ANGPT2: variants seen among roughly 807,000 people sequenced by gnomAD.
The protein encoded by ANGPT2 is angiopoietin-2.
In ANGPT2, 28 loss-of-function variants were observed where a neutral mutation model predicts 62.9. The observed-to-expected ratio is 0.44, with a 90% CI of 0.33 to 0.61. The LOEUF is 0.61. Among genes scored for constraint, ANGPT2 ranks in the 20% least tolerant of loss-of-function variants. The pLI, the probability that ANGPT2 is intolerant of heterozygous loss-of-function variation, is 0.03. For synonymous variants in ANGPT2, 284 were observed against 207.8 expected (o/e 1.37, Z -3.15); for missense variants, 727 against 594.9 (o/e 1.22, Z -2.31).
intron 3 of ANGPT2, among the ~76,000 whole-genome samples, chr8:6,522,601 C>A (rs944397655): frequency 2.0e-5 from 3 of 151,796 alleles, no homozygotes; most frequent in African/African-American, 7.3e-5. Flanking sequence ...TGGTGAAACC[C>A]TCTCTCTACT....
intron 5 of ANGPT2, among the ~76,000 whole-genome samples, chr8:6,515,288 C>T (rs530045226): frequency 3.9e-5 from 6 of 152,256 alleles, no homozygotes; most frequent in South Asian, 2.1e-4. Flanking sequence ...GTTACATTCT[C>T]GTACTGTGGG....
chr8:6,518,798 T>C (rs995493274), intron 5 of ANGPT2, among the ~76,000 whole-genome samples: 1 of 152,244 alleles, frequency 6.6e-6, no homozygotes, highest in African/African-American at 2.4e-5. Context: ...AGACATTTAA[T>C]ATATACAGTT....
intron 2 of ANGPT2, among the ~76,000 whole-genome samples, chr8:6,530,276 G>C (rs990644651): frequency 1.3e-5 from 2 of 152,132 alleles, no homozygotes; most frequent in Non-Finnish European, 2.9e-5. Flanking sequence ...GGGAGGCCAA[G>C]GCAGGTGGAT....
chr8:6,547,688 C>T lies in ANGPT2; in HGVS notation c.288+14959G>A, dbSNP rs546505154. On this transcript the variant is annotated intron_variant, in intron 1 of 8. Transcript: ENST00000629816. ...TGTGTGACACACAGCACAGCAGCACCATTTCTCAGAGCTGCAGCAACACTG... is the reference window on the plus strand; with the variant it reads ...TGTGTGACACACAGCACAGCAGCACTATTTCTCAGAGCTGCAGCAACACTG... Among the ~76,000 whole-genome samples the T allele has an allele frequency of 3.3e-5, 5 of 152,120 alleles. No homozygotes were observed. The East Asian group carries it at 9.7e-4, about 29-fold the overall frequency.
At chr8:6,524,331 G>A (rs1210601022) in intron 3 of ANGPT2, among the ~76,000 whole-genome samples, 1 of 152,194 alleles carries the variant, frequency 6.6e-6, no homozygotes, top group African/African-American at 2.4e-5. Flanking sequence ...CACATTAGAA[G>A]CTGGTGAAAT....
rs538128891 is a variant in ANGPT2 at position 6,513,095 on chromosome 8, A to G, written c.1196+583T>C. Among the ~76,000 whole-genome samples the G allele has an allele frequency of 2.0e-5, 3 of 152,342 alleles. No individual in the cohort carries two copies. In the East Asian group the frequency reaches 5.8e-4, roughly 29 times the overall value. ...CTATTCACTGATTTTACAAATACCT[A>G]TGAAAGCCAATTATCTACCAGGCAG... On this transcript the variant is annotated intron_variant, in intron 7 of 8. Coordinates refer to ENST00000629816, the MANE Select transcript of ANGPT2 (RefSeq NM_001118887.2).
intron 1 of ANGPT2, among the ~76,000 whole-genome samples, chr8:6,538,127 C>G (rs952156648): frequency 6.6e-6 from 1 of 152,062 alleles, no homozygotes. Flanking sequence ...TCCCAATGAT[C>G]CATCCATCTT....
intron 8 of ANGPT2, 61 bp from the exon 9 acceptor site, chr8:6,503,322 A>G (rs1812574855): frequency 1.3e-6 from 2 of 1,582,614 alleles, no homozygotes; most frequent in Non-Finnish European, 1.7e-6. Flanking sequence ...CACCACGAAG[A>G]CAGCAATACT....
intron 1 of ANGPT2, among the ~76,000 whole-genome samples, chr8:6,560,110 C>T (rs974184977): frequency 7.9e-5 from 12 of 152,164 alleles, no homozygotes; most frequent in Non-Finnish European, 1.6e-4. Context: ...GTCTTAGTTT[C>T]CTTCCTGACA....
chr8:6,528,643 AT>A lies in ANGPT2; in HGVS notation c.445-968del, dbSNP rs1362528772. Among the ~76,000 whole-genome samples, 19 of 152,334 alleles carry A rather than the reference AT, an allele frequency of 1.2e-4. No individual in the cohort carries two copies. In the East Asian group the frequency reaches 1.9e-3, roughly 15 times the overall value. On this transcript the variant is annotated intron_variant, in intron 2 of 8. Transcript: ENST00000629816. ...CATGAGCAGTGCGGCTCTCCCGCGG[AT>A]TCTCTAGCGCCTGGTTGCCCTTCAG...
At chr8:6,522,652 T>G (rs1395095200) in intron 3 of ANGPT2, among the ~76,000 whole-genome samples, 1 of 151,442 alleles carries the variant, frequency 6.6e-6, no homozygotes, top group African/African-American at 2.4e-5. Context: ...TACATGAATG[T>G]AATCCCAGCT....
rs1286725975 is a variant in ANGPT2 at position 6,551,751 on chromosome 8, ACC to A, written c.288+10894_288+10895del. Among the ~76,000 whole-genome samples, 5 of 152,234 alleles carry A rather than the reference ACC, an allele frequency of 3.3e-5. No homozygotes were observed. In the East Asian group the frequency reaches 9.6e-4, roughly 29 times the overall value. ...TTAAAAATAGTAAGGAATTTCATAT[ACC>A]CCCAAATATTAAGCATAGGTAATTA... On this transcript the variant is annotated intron_variant, in intron 1 of 8. Transcript: ENST00000629816.
Position 6,555,754 on chromosome 8 carries a change from C to T in ANGPT2, c.288+6893G>A, listed in dbSNP as rs142074887. Among the ~76,000 whole-genome samples the T allele has an allele frequency of 9.1e-4, 139 of 152,342 alleles. 1 individual carries two copies. The highest frequency in any genetic ancestry group is 3.2e-3 in the African/African-American group (133 of 41,574). ...CTGCGATTACAGGCATGAGCCACTG[C>T]ACCCAGCCACATAAATTTGTTTTTA... is the stretch of plus-strand genomic sequence containing the variant. On this transcript the variant is annotated intron_variant, in intron 1 of 8. Coordinates refer to ENST00000629816, the MANE Select transcript of ANGPT2 (RefSeq NM_001118887.2).
chr8:6,510,511 C>T (rs1333422961), intron 7 of ANGPT2, among the ~76,000 whole-genome samples: 2 of 152,158 alleles, frequency 1.3e-5, no homozygotes, highest in African/African-American at 4.8e-5. Flanking sequence ...TTAGTTTTAC[C>T]TGCTGGTCGG....
chr8:6,505,301 A>ACATAGAGT (rs1563305849), intron 8 of ANGPT2, among the ~76,000 whole-genome samples: 23 of 80,420 alleles, frequency 2.9e-4, no homozygotes, highest in African/African-American at 1.5e-3. Context: ...ATACATATAT[A>ACATAGAGT]TGTATATAAC....
intron 1 of ANGPT2, among the ~76,000 whole-genome samples, chr8:6,559,673 C>T (rs1277282374): frequency 6.6e-6 from 1 of 151,814 alleles, no homozygotes; most frequent in Non-Finnish European, 1.5e-5. Flanking sequence ...TTCCTCTTAT[C>T]AGAAAAAAAA....
At position 6,527,590 on chromosome 8, in the gene ANGPT2, C is replaced by G; in HGVS notation, c.531G>C (p.Gln177His). Residue 177 changes from glutamine (Q) to histidine (H), a missense_variant, in exon 3 of 9, where the codon CAG becomes CAC. Transcript: ENST00000629816. Reference protein sequence around the residue: ...TNKLEKQILDQTSEINKLQDK... With the variant: ...TNKLEKQILDHTSEINKLQDK... ...CTTGCAATTTGTTTATTTCACTGGTCTGGTCCAAAATCTGTTTTTCCAATT... is the reference window on the plus strand; with the variant it reads ...CTTGCAATTTGTTTATTTCACTGGTGTGGTCCAAAATCTGTTTTTCCAATT... The G allele has an allele frequency of 6.2e-7, 1 of 1,613,990 alleles. No homozygotes were observed. The highest frequency in any genetic ancestry group is 8.5e-7 in the Non-Finnish European group (1 of 1,179,960).
intron 8 of ANGPT2, among the ~76,000 whole-genome samples, chr8:6,505,486 ATATATTCTTTATATAT>A (rs1344372678): frequency 0.2 from 944 of 4,618 alleles, 165 homozygotes; most frequent in Middle Eastern, 0.33. Context: ...TATAGAATAT[ATATATTCTTTATATAT>A]GTATATATAG....
chr8:6,504,317 CAAAAAAA>C (rs35379672), intron 8 of ANGPT2, among the ~76,000 whole-genome samples: 2 of 85,914 alleles, frequency 2.3e-5, no homozygotes, highest in Non-Finnish European at 4.4e-5. Flanking sequence ...GACTCCAGCT[CAAAAAAA>C]AAAAAAAAAA....
Sources: allele counts gnomAD v4.1 joint callset (sites outside exome capture counted in the v4.1 genomes callset), GRCh38; gene constraint gnomAD v4.1.1; transcripts MANE v1.5; gene names NCBI Gene and HGNC (gene_info 2026-07-23, HGNC 2026-07-21).